CLIC5: variants seen among roughly 807,000 people sequenced by gnomAD.
The protein encoded by CLIC5 is chloride intracellular channel protein 5.
CLIC5 carries 20 observed loss-of-function variants against 24.7 expected under a neutral mutation model. That is an observed-to-expected ratio of 0.81 (90% confidence interval 0.57 to 1.18). The LOEUF (loss-of-function observed/expected upper bound fraction) is 1.18, where lower values mean the gene tolerates loss of function less well. Ranked by LOEUF, CLIC5 falls within the 50% of genes most tolerant of loss-of-function variation. The pLI is 0.00. For synonymous variants in CLIC5, 159 were observed against 135.6 expected (o/e 1.17, Z -1.20); for missense variants, 341 against 326.1 (o/e 1.05, Z -0.35).
At chr6:46,008,107 C>T (rs1766656743) in intron 1 of CLIC5, among the ~76,000 whole-genome samples, 1 of 152,110 alleles carries the variant, frequency 6.6e-6, no homozygotes, top group Non-Finnish European at 1.5e-5. Flanking sequence ...AGTCAATCTC[C>T]TATTGTGTGT....
intron 1 of CLIC5, among the ~76,000 whole-genome samples, chr6:46,074,284 T>C (rs1360076566): frequency 6.6e-6 from 1 of 152,144 alleles, no homozygotes; most frequent in Non-Finnish European, 1.5e-5. Context: ...TCATTCTAAT[T>C]ATAGTATTCT....
At chr6:46,103,926 G>C in the CLIC5 span, among the ~76,000 whole-genome samples, 1 of 152,010 alleles carries the variant, frequency 6.6e-6, no homozygotes, top group Non-Finnish European at 1.5e-5. Flanking sequence ...GCCTCTGTTT[G>C]TCTCTCTCTG....
At chr6:46,125,592 A>T in the CLIC5 span, among the ~76,000 whole-genome samples, 561 of 151,906 alleles carry the variant, frequency 3.7e-3, no homozygotes, top group African/African-American at 8.2e-3. Flanking sequence ...ATATATATAT[A>T]TTTTTAAAAA....
chr6:46,085,129 TC>T (rs1347429100), upstream of CLIC5, among the ~76,000 whole-genome samples: 1 of 152,246 alleles, frequency 6.6e-6, no homozygotes, highest in Non-Finnish European at 1.5e-5. Flanking sequence ...CTCCATCAGC[TC>T]CTTTAAGCAC....
intron 5 of CLIC5, among the ~76,000 whole-genome samples, chr6:45,908,993 T>C (rs1281408001): frequency 2.6e-5 from 4 of 152,022 alleles, no homozygotes; most frequent in Non-Finnish European, 4.4e-5. Context: ...GGTTAAGTCT[T>C]CTTGTTGTAG....
intron 1 of CLIC5, among the ~76,000 whole-genome samples, chr6:46,063,555 G>C (rs757309866): frequency 2.0e-5 from 3 of 152,178 alleles, no homozygotes; most frequent in African/African-American, 4.8e-5. Flanking sequence ...CAGAGAGAGA[G>C]AGCTTAGAGA....
At chr6:45,881,237 C>T (rs1762260547) in intron 6 of CLIC5, 1 of 397,682 alleles carries the variant, frequency 2.5e-6, no homozygotes. Context: ...ATTTAATGGG[C>T]CAAGAGGTTA....
At chr6:45,983,906 C>A (rs1163393567) in intron 1 of CLIC5, among the ~76,000 whole-genome samples, 3 of 152,180 alleles carry the variant, frequency 2.0e-5, no homozygotes, top group Admixed American at 1.3e-4. Context: ...TTCTCTGTCT[C>A]ATCCACTAGA....
chr6:45,922,359 T>A lies in CLIC5; in HGVS notation c.407-7950A>T, dbSNP rs76463317. On this transcript the variant is annotated intron_variant, in intron 4 of 5. Transcript: ENST00000339561. ...TGTTTTCTGATGTATTTCCAAGGAA[T>A]TCAGAAACTTTCTTAAGGAAGACAC... Among the ~76,000 whole-genome samples the A allele has an allele frequency of 6.3e-3, 962 of 152,288 alleles. 6 individuals are homozygous for A. Among genetic ancestry groups the A allele is most frequent in the African/African-American group, 0.021 (887 of 41,560 alleles).
intron 1 of CLIC5, among the ~76,000 whole-genome samples, chr6:45,988,685 A>G (rs1248461867): frequency 6.6e-6 from 1 of 152,256 alleles, no homozygotes; most frequent in East Asian, 1.9e-4. Context: ...GGTTAAGTTT[A>G]GATTAAAATT....
chr6:45,915,105 T>C (rs1337256116), intron 4 of CLIC5, among the ~76,000 whole-genome samples: 1 of 147,992 alleles, frequency 6.8e-6, no homozygotes, highest in Non-Finnish European at 1.5e-5. Context: ...AATTTTTGTA[T>C]TTTTAGTAGA....
At chr6:45,935,739 G>A (rs1400376049) in intron 4 of CLIC5, among the ~76,000 whole-genome samples, 1 of 152,172 alleles carries the variant, frequency 6.6e-6, no homozygotes, top group African/African-American at 2.4e-5. Context: ...CCCTTTCTAA[G>A]GGAGCAGGGT....
intron 1 of CLIC5, among the ~76,000 whole-genome samples, chr6:46,013,869 C>A: frequency 6.6e-6 from 1 of 152,236 alleles, no homozygotes. Context: ...AGCAGCAAGA[C>A]TCATCGCTTT....
At chr6:46,045,036 G>A (rs1296095569) in intron 1 of CLIC5, among the ~76,000 whole-genome samples, 1 of 152,036 alleles carries the variant, frequency 6.6e-6, no homozygotes, top group African/African-American at 2.4e-5. Context: ...TGCTGACCTG[G>A]AGCAGTGAGT....
chr6:46,043,645 C>G (rs1767876367), intron 1 of CLIC5, among the ~76,000 whole-genome samples: 1 of 152,152 alleles, frequency 6.6e-6, no homozygotes, highest in South Asian at 2.1e-4. Flanking sequence ...AGTTTAGGAG[C>G]CACTTCAGAG....
intron 1 of CLIC5, among the ~76,000 whole-genome samples, chr6:46,028,636 T>A (rs1391741259): frequency 6.6e-6 from 1 of 151,692 alleles, no homozygotes; most frequent in Admixed American, 6.6e-5. Context: ...TCTCCCTCTC[T>A]CTCTATTAGA....
At chr6:46,037,208 C>G (rs1461112870) in intron 1 of CLIC5, among the ~76,000 whole-genome samples, 1 of 152,144 alleles carries the variant, frequency 6.6e-6, no homozygotes, top group African/African-American at 2.4e-5. Flanking sequence ...TGCTAAAGAG[C>G]TCTTTTGTAT....
chr6:45,887,515 CT>C (rs796851094), intron 6 of CLIC5, among the ~76,000 whole-genome samples: 2 of 152,296 alleles, frequency 1.3e-5, no homozygotes, highest in African/African-American at 4.8e-5. Flanking sequence ...CTAATGACAT[CT>C]GCAAAAACCC....
the CLIC5 span, among the ~76,000 whole-genome samples, chr6:46,112,118 C>T: frequency 5.3e-5 from 8 of 152,034 alleles, no homozygotes; most frequent in African/African-American, 1.9e-4. Flanking sequence ...CTAAAATATA[C>T]TTATTTGACA....
Sources: gnomAD v4.1 joint callset for allele counts (sites outside exome capture counted in the v4.1 genomes callset) on GRCh38, gnomAD v4.1.1 for gene constraint, MANE v1.5 for transcripts, NCBI Gene and HGNC (gene_info 2026-07-23, HGNC 2026-07-21) for gene names.